The following DTNA variants were observed in gnomAD, a reference collection of about 807,000 sequenced individuals.
The protein encoded by DTNA is dystrophin-related protein 3.
DTNA carries 43 observed loss-of-function variants against 100.7 expected under a neutral mutation model. The ratio of observed to expected loss-of-function variants is 0.43; its 90% CI spans 0.33 to 0.55. The LOEUF is 0.55. Among genes scored for constraint, DTNA ranks in the 20% least tolerant of loss-of-function variants. The pLI, the probability that DTNA is intolerant of heterozygous loss-of-function variation, is 0.04. For synonymous variants in DTNA, 349 were observed against 347.9 expected (o/e 1.00, Z -0.04); for missense variants, 798 against 953.9 (o/e 0.84, Z 2.15).
At chr18:34,761,424 G>A (rs887457136) in intron 2 of DTNA, among the ~76,000 whole-genome samples, 11 of 152,248 alleles carry the variant, frequency 7.2e-5, no homozygotes, top group Non-Finnish European at 1.2e-4. Flanking sequence ...AGACTGGTTC[G>A]TTGATTTGTT....
At chr18:34,779,218 T>C (rs1451081980) in intron 3 of DTNA, among the ~76,000 whole-genome samples, 1 of 152,112 alleles carries the variant, frequency 6.6e-6, no homozygotes, top group African/African-American at 2.4e-5. Flanking sequence ...ATGATAAGAA[T>C]TGTTTTGTGT....
At chr18:34,653,028 G>A (rs1308901683) in intron 1 of DTNA, among the ~76,000 whole-genome samples, 2 of 152,100 alleles carry the variant, frequency 1.3e-5, no homozygotes, top group African/African-American at 4.8e-5. Flanking sequence ...TCTGAATCTA[G>A]TATAATTTCT....
chr18:34,538,110 C>T (rs533945539), intron 1 of DTNA, among the ~76,000 whole-genome samples: 52 of 152,126 alleles, frequency 3.4e-4, no homozygotes, highest in African/African-American at 1.1e-3. Flanking sequence ...ATAAGAGCTA[C>T]GCTCCGCAAA....
At chr18:34,752,801 C>A (rs1278026548) in intron 1 of DTNA, among the ~76,000 whole-genome samples, 2 of 151,370 alleles carry the variant, frequency 1.3e-5, no homozygotes, top group African/African-American at 2.4e-5. Context: ...GTTAATTAAT[C>A]AAAAAAAACA....
chr18:34,660,693 C>T (rs1461702348), intron 1 of DTNA, among the ~76,000 whole-genome samples: 1 of 152,082 alleles, frequency 6.6e-6, no homozygotes, highest in Non-Finnish European at 1.5e-5. Flanking sequence ...CCTTGGTCTC[C>T]AAAACCCCTT....
At chr18:34,552,404 T>G (rs2145965578) in intron 1 of DTNA, among the ~76,000 whole-genome samples, 1 of 151,964 alleles carries the variant, frequency 6.6e-6, no homozygotes, top group East Asian at 1.9e-4. Context: ...ATACTTTAAG[T>G]TTTAGGGTAC....
intron 13 of DTNA, among the ~76,000 whole-genome samples, chr18:34,840,078 T>A (rs1198964861): frequency 2.6e-5 from 4 of 152,228 alleles, no homozygotes; most frequent in Non-Finnish European, 5.9e-5. Flanking sequence ...TAATTTTTAG[T>A]TCTCATGAAC....
Position 34,875,345 on chromosome 18 carries a change from CG to C in DTNA, c.1851del (p.Gln618ArgfsTer7). On this transcript the variant is annotated frameshift_variant, in exon 18 of 23. Coordinates refer to ENST00000444659, the MANE Select transcript of DTNA (RefSeq NM_001386795.1). ...ASACSTPTHT[P>X]QDSLTGVGGD... is the part of the protein sequence containing the mutation. ...GCCTGCTCCACCCCGACGCACACGCCGCAGGACTCCCTCACAGGAGTAGGGG... is the reference window on the plus strand; with the variant it reads ...GCCTGCTCCACCCCGACGCACACGCCCAGGACTCCCTCACAGGAGTAGGGG... 6.2e-7 allele frequency: 1 copy of C among 1,614,214 alleles called. No individual in the cohort carries two copies. Among genetic ancestry groups the C allele is most frequent in the Non-Finnish European group, 8.5e-7 (1 of 1,180,042 alleles).
chr18:34,736,162 T>G (rs2147522332), intron 1 of DTNA, among the ~76,000 whole-genome samples: 1 of 152,318 alleles, frequency 6.6e-6, no homozygotes, highest in Non-Finnish European at 1.5e-5. Context: ...TAGCTGCACC[T>G]TCAGATTAGC....
In DTNA at chr18:34,777,891, C is replaced by G. The variant is rs954248196; in HGVS notation, c.148+11850C>G. ...GGACACAGAATCAAACCACATCAAC[C>G]CCTAAGTCTGTTTTCCTCTTAAGTG... On this transcript the variant is annotated intron_variant, in intron 3 of 22. Transcript: ENST00000444659. 5.3e-5 allele frequency among the ~76,000 whole-genome samples: 8 copies of G among 152,156 alleles called. No individual in the cohort carries two copies. In the South Asian group the frequency reaches 1.5e-3, roughly 28 times the overall value.
intron 1 of DTNA, among the ~76,000 whole-genome samples, chr18:34,592,410 ATC>A (rs1283591446): frequency 6.6e-6 from 1 of 151,276 alleles, no homozygotes; most frequent in East Asian, 1.9e-4. Flanking sequence ...GATGAAATGT[ATC>A]TTTTTCTTTG....
chr18:34,694,554 A>G (rs2080241488), intron 1 of DTNA, among the ~76,000 whole-genome samples: 1 of 152,186 alleles, frequency 6.6e-6, no homozygotes, highest in African/African-American at 2.4e-5. Flanking sequence ...GTCTATTTCT[A>G]ACCATTCTCT....
At chr18:34,803,669 A>G (rs1012971587) in intron 4 of DTNA, among the ~76,000 whole-genome samples, 1 of 152,262 alleles carries the variant, frequency 6.6e-6, no homozygotes. Flanking sequence ...TATTTGAACC[A>G]TGTTACAGTT....
chr18:34,789,002 G>A (rs527977781), intron 3 of DTNA, among the ~76,000 whole-genome samples: 6 of 152,074 alleles, frequency 3.9e-5, no homozygotes, highest in East Asian at 3.9e-4. Context: ...GATGGCATTC[G>A]TTTCCTCATT....
intron 4 of DTNA, among the ~76,000 whole-genome samples, chr18:34,803,838 A>G (rs960742770): frequency 2.6e-5 from 4 of 152,174 alleles, no homozygotes; most frequent in African/African-American, 9.7e-5. Flanking sequence ...CACTGAGTGG[A>G]TGGACACTCA....
intron 1 of DTNA, among the ~76,000 whole-genome samples, chr18:34,536,068 A>G (rs1279808552): frequency 6.6e-6 from 1 of 152,048 alleles, no homozygotes; most frequent in Non-Finnish European, 1.5e-5. Flanking sequence ...AATAAGGTGT[A>G]AAATACATTT....
chr18:34,890,335 C>T lies in DTNA; in HGVS notation c.*2601C>T, dbSNP rs1210045122. On this transcript the variant is annotated 3_prime_UTR_variant, in exon 23 of 23. Transcript: ENST00000444659. ...GCACTGAGACCAGACTCGAGCACCC[C>T]TGTCCTGTAAGCGAGACAAAATGGC... 6 of 1,536,124 alleles carry T rather than the reference C, an allele frequency of 3.9e-6. No homozygotes were observed. The highest frequency in any genetic ancestry group is 5.2e-6 in the Non-Finnish European group (6 of 1,146,898).
intron 1 of DTNA, among the ~76,000 whole-genome samples, chr18:34,641,470 C>T (rs1035317679): frequency 2.0e-5 from 3 of 152,212 alleles, no homozygotes; most frequent in African/African-American, 7.2e-5. Context: ...GGAACCTGGC[C>T]GATCAGGCCT....
intron 4 of DTNA, among the ~76,000 whole-genome samples, chr18:34,798,190 G>A (rs1411525886): frequency 1.3e-5 from 2 of 152,062 alleles, no homozygotes; most frequent in Non-Finnish European, 2.9e-5. Flanking sequence ...AGTAGAGATA[G>A]GGATTCACCA....
Sources: allele counts gnomAD v4.1 joint callset (sites outside exome capture counted in the v4.1 genomes callset), GRCh38; gene constraint gnomAD v4.1.1; transcripts MANE v1.5; gene names NCBI Gene and HGNC (gene_info 2026-07-23, HGNC 2026-07-21).